ABCB11: variants seen among roughly 807,000 people sequenced by gnomAD.
The protein encoded by ABCB11 is bile salt export pump.
ABCB11 carries 95 observed loss-of-function variants against 148.0 expected under a neutral mutation model. The ratio of observed to expected loss-of-function variants is 0.64; its 90% CI spans 0.54 to 0.76. ABCB11 has a LOEUF of 0.76. Ranked by LOEUF, ABCB11 falls within the 30% of genes least tolerant of loss-of-function variation. The probability of loss-of-function intolerance (pLI) is 0.00; values close to 1 mark genes in which losing one functional copy is unlikely to be tolerated. For missense variants in ABCB11, 1,523 were observed against 1,617.8 expected (o/e 0.94, Z 1.01); for synonymous variants, 591 against 555.4 (o/e 1.06, Z -0.90).
chr2:168,916,490 C>T (rs114684697), downstream of ABCB11, among the ~76,000 whole-genome samples: 820 of 152,290 alleles, frequency 5.4e-3, 10 homozygotes, highest in African/African-American at 0.019. Context: ...CCTCAGGATA[C>T]CATACAACTC....
At chr2:168,926,823 G>A (rs1019274856) in intron 26 of ABCB11, among the ~76,000 whole-genome samples, 1 of 152,136 alleles carries the variant, frequency 6.6e-6, no homozygotes, top group Admixed American at 6.5e-5. Context: ...TGCATATAAT[G>A]AGATACCCTG....
At chr2:168,995,313 A>G in intron 7 of ABCB11, 36 bp downstream of exon 7, 1 of 1,575,462 alleles carries the variant, frequency 6.3e-7, no homozygotes, top group Non-Finnish European at 8.6e-7. Flanking sequence ...TTATCCAAAA[A>G]TCACACACTA....
intron 8 of ABCB11, 88 bp from the exon 9 acceptor site, chr2:168,991,013 T>C: frequency 1.4e-6 from 2 of 1,436,668 alleles, no homozygotes; most frequent in Non-Finnish European, 9.6e-7. Context: ...ACATGTGGCA[T>C]GGGTTTAATA....
At chr2:168,988,029 C>T (rs1694383768) in intron 9 of ABCB11, among the ~76,000 whole-genome samples, 1 of 151,930 alleles carries the variant, frequency 6.6e-6, no homozygotes, top group Non-Finnish European at 1.5e-5. Context: ...AAAATCTATT[C>T]TTAGCAATTT....
chr2:168,929,689 T>C (rs754487446), intron 25 of ABCB11, among the ~76,000 whole-genome samples: 43 of 152,184 alleles, frequency 2.8e-4, no homozygotes, highest in Non-Finnish European at 5.1e-4. Flanking sequence ...ATTTTTCTTT[T>C]AGAAAGTGAG....
At chr2:169,031,104 G>A (rs1366989010) in intron 1 of ABCB11, 121 bp downstream of exon 1, 1 of 152,144 alleles carries the variant, frequency 6.6e-6, no homozygotes, top group Non-Finnish European at 1.5e-5. Context: ...TCCAAGTATT[G>A]TAGCGTTGTT....
At chr2:168,920,273 G>T (rs1164942191), downstream of ABCB11, among the ~76,000 whole-genome samples, 1 of 152,014 alleles carries the variant, frequency 6.6e-6, no homozygotes, top group Non-Finnish European at 1.5e-5. Flanking sequence ...TGCCCAAATA[G>T]GATTTTTATT....
intron 2 of ABCB11, 197 bp downstream of exon 2, chr2:169,017,853 T>C (rs1695411612): frequency 1.3e-6 from 1 of 750,374 alleles, no homozygotes; most frequent in Non-Finnish European, 2.4e-6. Flanking sequence ...CTTGGTGTGT[T>C]CTTACCTAGT....
rs1367569460 is a variant in ABCB11 at position 168,923,802 on chromosome 2, G to A, written c.3786C>T (p.Asp1262=). ...ESEKTVQVAL[D]KAREGRTCIV... is the part of the protein sequence containing the mutation. ...TGCAGGTCCGACCCTCTCTGGCTTT[G>A]TCTAGAGCAACCTGCACCGTCTGCA... is the stretch of plus-strand genomic sequence containing the variant. Residue 1262 remains aspartate, a synonymous_variant, in exon 28 of 28, where the codon GAC becomes GAT. Transcript: ENST00000650372. 1.2e-6 allele frequency: 2 copies of A among 1,613,810 alleles called. No homozygotes were observed. The highest frequency in any genetic ancestry group is 1.7e-6 in the Non-Finnish European group (2 of 1,179,892).
rs565282878 is a variant in ABCB11 at position 169,027,287 on chromosome 2, A to C, written c.-28+3938T>G. ...TCGAGATGTCTAAGCACTAGTTGGCAGACTTTGGACACCTAATCATAGAAT... is the reference window on the plus strand; with the variant it reads ...TCGAGATGTCTAAGCACTAGTTGGCCGACTTTGGACACCTAATCATAGAAT... On this transcript the variant is annotated intron_variant, in intron 1 of 27. Coordinates refer to ENST00000650372, the MANE Select transcript of ABCB11 (RefSeq NM_003742.4). Among the ~76,000 whole-genome samples the C allele has an allele frequency of 1.0e-3, 159 of 152,346 alleles. 1 individual carries two copies. Among genetic ancestry groups the C allele is most frequent in the African/African-American group, 3.7e-3 (154 of 41,580 alleles).
intron 25 of ABCB11, 61 bp downstream of exon 25, chr2:168,930,604 C>CT (rs1691521766): frequency 7.4e-7 from 1 of 1,347,604 alleles, no homozygotes; most frequent in African/African-American, 1.5e-5. Context: ...TTGAAGCCCA[C>CT]TTTTAGGGGT....
At chr2:168,999,494 C>T (rs553846966) in intron 5 of ABCB11, among the ~76,000 whole-genome samples, 3 of 152,168 alleles carry the variant, frequency 2.0e-5, no homozygotes, top group Non-Finnish European at 2.9e-5. Context: ...ATCCAATCCC[C>T]ATATCCTCCT....
intron 5 of ABCB11, among the ~76,000 whole-genome samples, chr2:169,006,732 C>T (rs184075939): frequency 1.3e-5 from 2 of 151,704 alleles, no homozygotes; most frequent in African/African-American, 4.8e-5. Flanking sequence ...GATCAATATA[C>T]AAAAAAAGTT....
chr2:168,966,238 C>T (rs1693311760), intron 17 of ABCB11, among the ~76,000 whole-genome samples: 1 of 151,852 alleles, frequency 6.6e-6, no homozygotes, highest in Non-Finnish European at 1.5e-5. Flanking sequence ...ACCTAAAAAG[C>T]AAATGCAGAG....
chr2:168,979,885 A>T lies in ABCB11; in HGVS notation c.1178T>A (p.Ile393Asn), dbSNP rs774066215. Residue 393 changes from isoleucine (I) to asparagine (N), a missense_variant, in exon 11 of 28, where the codon ATT becomes AAT. By Grantham distance (149) the Ile-to-Asn change is moderately radical. Coordinates refer to ENST00000650372, the MANE Select transcript of ABCB11 (RefSeq NM_003742.4). ...FATGRAAATS[I>N]FETIDRKPII... is the part of the protein sequence containing the mutation. ...ACATACCCTGTCTATTGTCTCAAAA[A>T]TGCTGGTGGCTGCTGCACGTCCAGT... The T allele has an allele frequency of 1.2e-6, 2 of 1,610,526 alleles. No individual in the cohort carries two copies. Among genetic ancestry groups the T allele is most frequent in the East Asian group, 2.2e-5 (1 of 44,714 alleles).
At chr2:168,918,033 T>C (rs1574383399), downstream of ABCB11, among the ~76,000 whole-genome samples, 1 of 152,214 alleles carries the variant, frequency 6.6e-6, no homozygotes, top group East Asian at 1.9e-4. Flanking sequence ...TTTCACCTGT[T>C]TTTTTTCCAC....
rs1187600948 is a variant in ABCB11, at chr2:168,924,696, T to C, written c.3726A>G (p.Leu1242=). The change falls in exon 27 of 28, where the codon CTA becomes CTG. Residue 1242 remains leucine (L), a synonymous_variant. Coordinates refer to ENST00000650372, the MANE Select transcript of ABCB11 (RefSeq NM_003742.4). ...TGTCTAAGGCAGAAGTGGCTTCATCTAGTAGCAAGATTTTAGGATCTCGTA... is the reference window on the plus strand; with the variant it reads ...TGTCTAAGGCAGAAGTGGCTTCATCCAGTAGCAAGATTTTAGGATCTCGTA... The part of the protein sequence containing the change: ...AIVRDPKILL[L]DEATSALDTE... 1 of 1,613,810 alleles carries C rather than the reference T, an allele frequency of 6.2e-7. No homozygotes were observed. Among genetic ancestry groups the C allele is most frequent in the Non-Finnish European group, 8.5e-7 (1 of 1,179,854 alleles).
Position 168,921,517 on chromosome 2 carries a change from T to C in ABCB11, c.*2105A>G, listed in dbSNP as rs1004326577. On this transcript the variant is annotated 3_prime_UTR_variant, in exon 28 of 28. Coordinates refer to ENST00000650372, the MANE Select transcript of ABCB11 (RefSeq NM_003742.4). ...GTATGTTCACTTTTATTGATTCCTGTTTTTATTTAAATAGATGGAAATATG... is the reference window on the plus strand; with the variant it reads ...GTATGTTCACTTTTATTGATTCCTGCTTTTATTTAAATAGATGGAAATATG... Among the ~76,000 whole-genome samples, 21 of 152,144 alleles carry C rather than the reference T, an allele frequency of 1.4e-4. No homozygotes were observed. The highest frequency in any genetic ancestry group is 8.5e-4 in the Admixed American group (13 of 15,276).
At chr2:169,026,467 T>G (rs1190190072) in intron 1 of ABCB11, among the ~76,000 whole-genome samples, 1 of 152,214 alleles carries the variant, frequency 6.6e-6, no homozygotes, top group Non-Finnish European at 1.5e-5. Context: ...GCTGAAAATC[T>G]TAATTACTTG....
Sources: allele counts gnomAD v4.1 joint callset (sites outside exome capture counted in the v4.1 genomes callset), GRCh38; gene constraint gnomAD v4.1.1; transcripts MANE v1.5; gene names NCBI Gene and HGNC (gene_info 2026-07-23, HGNC 2026-07-21).